Variants in CRPPA observed in about 807,000 individuals in gnomAD.
CRPPA encodes the protein D-ribitol-5-phosphate cytidylyltransferase.
CRPPA carries 43 observed loss-of-function variants against 52.0 expected under a neutral mutation model. The observed-to-expected ratio is 0.83, with a 90% confidence interval of 0.65 to 1.07. The LOEUF is 1.07. Among genes scored for constraint, CRPPA ranks in the 50% least tolerant of loss-of-function variants. The probability of loss-of-function intolerance (pLI) is 0.00; values close to 1 mark genes in which losing one functional copy is unlikely to be tolerated. For missense variants in CRPPA, 629 were observed against 551.7 expected (o/e 1.14, Z -1.40); for synonymous variants, 250 against 203.5 (o/e 1.23, Z -1.94).
At chr7:16,410,245 AC>A (rs1429582389) in intron 1 of CRPPA, among the ~76,000 whole-genome samples, 2 of 152,174 alleles carry the variant, frequency 1.3e-5, no homozygotes, top group Admixed American at 1.3e-4. Flanking sequence ...TCACTTCAGA[AC>A]TCCAAAGAAC....
At chr7:16,210,782 C>A (rs1782112794) in intron 9 of CRPPA, among the ~76,000 whole-genome samples, 1 of 151,992 alleles carries the variant, frequency 6.6e-6, no homozygotes, top group Non-Finnish European at 1.5e-5. Context: ...CATGGCAGTA[C>A]CCTCCTTAAG....
At chr7:16,381,374 G>A (rs1343118286) in intron 2 of CRPPA, among the ~76,000 whole-genome samples, 1 of 151,794 alleles carries the variant, frequency 6.6e-6, no homozygotes, top group African/African-American at 2.4e-5. Context: ...TATAATTTCT[G>A]TTCTTTTACA....
chr7:16,138,182 G>A (rs1042008436), intron 9 of CRPPA, among the ~76,000 whole-genome samples: 2 of 152,070 alleles, frequency 1.3e-5, no homozygotes, highest in Non-Finnish European at 2.9e-5. Context: ...ATATTTATGT[G>A]AAAACAAGAT....
chr7:16,171,657 G>C (rs1217826780), intron 9 of CRPPA, among the ~76,000 whole-genome samples: 1 of 152,122 alleles, frequency 6.6e-6, no homozygotes, highest in African/African-American at 2.4e-5. Context: ...GCTGGGCATG[G>C]TGGCGGGTGC....
At chr7:16,416,655 C>A (rs1451894211) in intron 1 of CRPPA, among the ~76,000 whole-genome samples, 3 of 150,328 alleles carry the variant, frequency 2.0e-5, no homozygotes, top group African/African-American at 4.9e-5. Flanking sequence ...CCCAACATGG[C>A]AAAACCCCAT....
chr7:16,102,572 A>C (rs1782068294), intron 9 of CRPPA, among the ~76,000 whole-genome samples: 1 of 152,220 alleles, frequency 6.6e-6, no homozygotes, highest in South Asian at 2.1e-4. Context: ...CAAAGGGCTA[A>C]TATCCAGAAT....
intron 4 of CRPPA, among the ~76,000 whole-genome samples, chr7:16,306,771 T>A (rs1784922041): frequency 2.0e-5 from 3 of 152,162 alleles, no homozygotes; most frequent in African/African-American, 7.2e-5. Context: ...AAAATCCTCA[T>A]AAATATCACT....
At chr7:16,374,112 C>A (rs1200676186) in intron 3 of CRPPA, among the ~76,000 whole-genome samples, 1 of 152,030 alleles carries the variant, frequency 6.6e-6, no homozygotes, top group South Asian at 2.1e-4. Context: ...GAGGGTGTTG[C>A]CAGAGGGGAG....
At chr7:16,161,102 A>G (rs894826485) in intron 9 of CRPPA, among the ~76,000 whole-genome samples, 4 of 151,908 alleles carry the variant, frequency 2.6e-5, no homozygotes, top group African/African-American at 9.7e-5. Context: ...CATATACAAT[A>G]TACACATACA....
At chr7:16,196,274 T>C (rs1459222673) in intron 9 of CRPPA, among the ~76,000 whole-genome samples, 2 of 152,126 alleles carry the variant, frequency 1.3e-5, no homozygotes, top group African/African-American at 4.8e-5. Context: ...GGGCCCGGGT[T>C]CCTCACTAGC....
chr7:16,298,135 G>C (rs1784712558), intron 5 of CRPPA, among the ~76,000 whole-genome samples: 1 of 152,136 alleles, frequency 6.6e-6, no homozygotes, highest in Non-Finnish European at 1.5e-5. Flanking sequence ...GTCATAAATG[G>C]AGGGGGTAAA....
chr7:16,125,091 C>G (rs1218887618), intron 9 of CRPPA, among the ~76,000 whole-genome samples: 1 of 151,658 alleles, frequency 6.6e-6, no homozygotes. Context: ...GAACCCCCAT[C>G]TCTACTAAAA....
At chr7:16,181,484 C>G (rs1435780878) in intron 9 of CRPPA, among the ~76,000 whole-genome samples, 1 of 151,890 alleles carries the variant, frequency 6.6e-6, no homozygotes, top group African/African-American at 2.4e-5. Flanking sequence ...CTTTACGTGA[C>G]TCATTTATCA....
chr7:16,377,346 C>T (rs901746961), intron 2 of CRPPA, among the ~76,000 whole-genome samples: 1 of 152,162 alleles, frequency 6.6e-6, no homozygotes, highest in Non-Finnish European at 1.5e-5. Context: ...CAGTACCTAT[C>T]AGTAGAGCTA....
At chr7:16,183,414 C>CAGTT (rs1285187324) in intron 9 of CRPPA, among the ~76,000 whole-genome samples, 5 of 152,188 alleles carry the variant, frequency 3.3e-5, no homozygotes, top group Non-Finnish European at 5.9e-5. Context: ...GGGAGCCACA[C>CAGTT]AGTTATCAGC....
At chr7:16,392,582 C>T (rs1213600739) in intron 2 of CRPPA, among the ~76,000 whole-genome samples, 1 of 152,062 alleles carries the variant, frequency 6.6e-6, no homozygotes, top group African/African-American at 2.4e-5. Context: ...GCACTCCCTC[C>T]GGAGACCAGT....
intron 3 of CRPPA, among the ~76,000 whole-genome samples, chr7:16,313,041 C>T (rs1232549624): frequency 6.6e-6 from 1 of 151,832 alleles, no homozygotes; most frequent in Non-Finnish European, 1.5e-5. Flanking sequence ...CCTTGTAACA[C>T]CTTTTTTGTA....
chr7:16,365,211 T>C (rs1786560989), intron 3 of CRPPA, among the ~76,000 whole-genome samples: 1 of 152,156 alleles, frequency 6.6e-6, no homozygotes, highest in African/African-American at 2.4e-5. Flanking sequence ...CTGAAGGAGC[T>C]AGGAGTTCAC....
At position 16,356,908 on chromosome 7, in the gene CRPPA, G is replaced by A. The variant is rs117168256; in HGVS notation, c.684+19184C>T. On this transcript the variant is annotated intron_variant, in intron 3 of 9. Coordinates refer to ENST00000407010, the MANE Select transcript of CRPPA (RefSeq NM_001101426.4). The stretch of plus-strand genomic sequence containing the variant: ...TAACTTTCTCTGAAGGATGTTGAGT[G>A]TGTCCTGAGAAGTGGTCTTCACTCC... Among the ~76,000 whole-genome samples, 363 of 152,322 alleles carry A rather than the reference G, an allele frequency of 2.4e-3. 1 individual carries two copies. The highest frequency in any genetic ancestry group is 4.4e-3 in the Non-Finnish European group (299 of 68,028).
Sources: allele counts gnomAD v4.1 joint callset (sites outside exome capture counted in the v4.1 genomes callset), GRCh38; gene constraint gnomAD v4.1.1; transcripts MANE v1.5; gene names NCBI Gene and HGNC (gene_info 2026-07-23, HGNC 2026-07-21).